Variants in SGCZ observed in about 807,000 individuals in gnomAD.
The protein encoded by SGCZ is sarcoglycan zeta.
SGCZ carries 40 observed loss-of-function variants against 41.3 expected under a neutral mutation model. The observed-to-expected ratio is 0.97, with a 90% CI of 0.75 to 1.26. SGCZ has a LOEUF of 1.26. Among genes scored for constraint, SGCZ ranks in the 50% most tolerant of loss-of-function variants. The probability of loss-of-function intolerance (pLI) is 0.00; values close to 1 mark genes in which losing one functional copy is unlikely to be tolerated. For missense variants in SGCZ, 552 were observed against 369.8 expected (o/e 1.49, Z -4.04); for synonymous variants, 206 against 137.5 (o/e 1.50, Z -3.49).
At chr8:14,783,403 C>T (rs1305664734) in intron 1 of SGCZ, among the ~76,000 whole-genome samples, 1 of 149,040 alleles carries the variant, frequency 6.7e-6, no homozygotes, top group African/African-American at 2.5e-5. Flanking sequence ...CACTGCACTC[C>T]AGCCTGGGAG....
chr8:14,834,313 G>C (rs1185554933), intron 1 of SGCZ, among the ~76,000 whole-genome samples: 1 of 152,068 alleles, frequency 6.6e-6, no homozygotes, highest in Non-Finnish European at 1.5e-5. Flanking sequence ...TGTCATTAAG[G>C]ATTCTTTTAT....
chr8:14,490,501 G>A (rs1382204544), intron 2 of SGCZ, among the ~76,000 whole-genome samples: 1 of 152,096 alleles, frequency 6.6e-6, no homozygotes, highest in African/African-American at 2.4e-5. Context: ...TGCAAAATGA[G>A]GTCTGATTCT....
chr8:15,162,447 G>A (rs370889556), intron 1 of SGCZ, among the ~76,000 whole-genome samples: 1 of 152,214 alleles, frequency 6.6e-6, no homozygotes, highest in African/African-American at 2.4e-5. Flanking sequence ...CTTTCAGAAA[G>A]AGCCATATAT....
chr8:15,168,420 G>C (rs963801073), intron 1 of SGCZ, among the ~76,000 whole-genome samples: 3 of 152,186 alleles, frequency 2.0e-5, no homozygotes, highest in African/African-American at 7.2e-5. Context: ...GGTGAGAGCA[G>C]ATAATTCCCT....
intron 1 of SGCZ, among the ~76,000 whole-genome samples, chr8:15,146,813 A>G (rs1263548587): frequency 6.6e-6 from 1 of 152,180 alleles, no homozygotes; most frequent in African/African-American, 2.4e-5. Context: ...TTATTCTTCA[A>G]TATCTTTTTA....
intron 1 of SGCZ, among the ~76,000 whole-genome samples, chr8:14,798,301 C>T (rs557891848): frequency 6.6e-6 from 1 of 152,250 alleles, no homozygotes; most frequent in South Asian, 2.1e-4. Flanking sequence ...ATTTGGAAGG[C>T]AATAATCCTC....
chr8:14,816,799 T>C (rs890027819), intron 1 of SGCZ, among the ~76,000 whole-genome samples: 52 of 152,212 alleles, frequency 3.4e-4, no homozygotes, highest in Non-Finnish European at 5.9e-4. Context: ...CTTAATTAAA[T>C]TGTATTAATT....
intron 1 of SGCZ, among the ~76,000 whole-genome samples, chr8:14,954,867 A>G (rs777654459): frequency 1.3e-5 from 2 of 152,188 alleles, no homozygotes; most frequent in African/African-American, 2.4e-5. Context: ...CTGTTAAGTC[A>G]TTGTTTGTGA....
chr8:14,914,428 T>C (rs2130781659), intron 1 of SGCZ, among the ~76,000 whole-genome samples: 1 of 152,224 alleles, frequency 6.6e-6, no homozygotes. Context: ...CACTGAAAAC[T>C]CTTATGCTCT....
intron 1 of SGCZ, among the ~76,000 whole-genome samples, chr8:14,956,938 C>G (rs1431896151): frequency 6.6e-6 from 1 of 151,990 alleles, no homozygotes; most frequent in Non-Finnish European, 1.5e-5. Flanking sequence ...CTCAAACAAA[C>G]TTGGCTCTGT....
chr8:14,749,875 T>C (rs1402093361), intron 1 of SGCZ, among the ~76,000 whole-genome samples: 1 of 152,132 alleles, frequency 6.6e-6, no homozygotes, highest in Non-Finnish European at 1.5e-5. Context: ...AGTAACACTA[T>C]TTAAACCCAG....
intron 5 of SGCZ, among the ~76,000 whole-genome samples, chr8:14,155,701 A>C (rs1803855883): frequency 6.7e-6 from 1 of 150,156 alleles, no homozygotes; most frequent in Admixed American, 6.7e-5. Context: ...TATATATGTA[A>C]AATATATATT....
intron 1 of SGCZ, among the ~76,000 whole-genome samples, chr8:14,799,966 A>G (rs1801266714): frequency 6.6e-6 from 1 of 152,280 alleles, no homozygotes; most frequent in South Asian, 2.1e-4. Flanking sequence ...TGTAAAAAGT[A>G]TTTTCTTAAA....
chr8:15,021,384 G>A (rs571102792), intron 1 of SGCZ, among the ~76,000 whole-genome samples: 2 of 152,250 alleles, frequency 1.3e-5, no homozygotes, highest in Admixed American at 6.5e-5. Flanking sequence ...TGTGTGAAAG[G>A]GCCCGTTCAG....
intron 3 of SGCZ, among the ~76,000 whole-genome samples, chr8:14,303,249 A>G (rs940201209): frequency 1.3e-5 from 2 of 152,248 alleles, no homozygotes; most frequent in African/African-American, 2.4e-5. Flanking sequence ...GAAATATTAT[A>G]TAAGAGAAAA....
chr8:15,024,251 T>G (rs1803364345), intron 1 of SGCZ, among the ~76,000 whole-genome samples: 1 of 152,194 alleles, frequency 6.6e-6, no homozygotes, highest in Admixed American at 6.5e-5. Context: ...CTAAATATGA[T>G]GGCCATGAAA....
At chr8:14,578,108 T>C (rs140024016) in intron 1 of SGCZ, among the ~76,000 whole-genome samples, 209 of 152,290 alleles carry the variant, frequency 1.4e-3, no homozygotes, top group Middle Eastern at 6.8e-3. Context: ...TTTATCAAAG[T>C]TGGGTGAAGG....
At chr8:14,906,475 T>A (rs984301803) in intron 1 of SGCZ, among the ~76,000 whole-genome samples, 1 of 152,180 alleles carries the variant, frequency 6.6e-6, no homozygotes, top group Non-Finnish European at 1.5e-5. Context: ...TATGGCAGGT[T>A]ACCCACAATT....
At chr8:14,945,595 G>C (rs910933372) in intron 1 of SGCZ, among the ~76,000 whole-genome samples, 5 of 151,982 alleles carry the variant, frequency 3.3e-5, no homozygotes, top group African/African-American at 9.7e-5. Flanking sequence ...ATTCTTTCTG[G>C]ATATGTCTGT....
Sources: allele counts gnomAD v4.1 joint callset (sites outside exome capture counted in the v4.1 genomes callset), GRCh38; gene constraint gnomAD v4.1.1; transcripts MANE v1.5; gene names NCBI Gene and HGNC (gene_info 2026-07-23, HGNC 2026-07-21).